Variants in BCKDHB observed in about 807,000 individuals in gnomAD.
BCKDHB encodes the protein branched chain keto acid dehydrogenase E1 subunit beta.
Under a neutral mutation model 48.5 loss-of-function variants are expected in BCKDHB, and 41 were observed. That is an observed-to-expected ratio of 0.85 (90% confidence interval 0.66 to 1.10). The LOEUF is 1.10. Ranked by LOEUF, BCKDHB falls within the 50% of genes least tolerant of loss-of-function variation. The pLI is 0.00. For synonymous variants in BCKDHB, 201 were observed against 174.8 expected, an observed-to-expected ratio of 1.15 and a Z score of -1.18; for missense variants, 496 against 494.2, an observed-to-expected ratio of 1.00 and a Z score of -0.03.
chr6:80,456,121 G>A, the BCKDHB span, among the ~76,000 whole-genome samples: 1 of 151,670 alleles, frequency 6.6e-6, no homozygotes, highest in African/African-American at 2.4e-5. Flanking sequence ...AGGCTGAGGT[G>A]GAAGAATCTC....
chr6:80,171,397 ATTTTCT>A lies in BCKDHB; in HGVS notation c.742+10_742+15del. On this transcript the variant is annotated splice_region_variant and intron_variant, in intron 6 of 9. Coordinates refer to ENST00000320393, the MANE Select transcript of BCKDHB (RefSeq NM_183050.4). ...ATACTTTACAGGGCAGCAGGTAAAG[ATTTTCT>A]TTATTTTATATTTGTGAATATCTTT... is the stretch of plus-strand genomic sequence containing the variant. 6.6e-7 allele frequency: 1 copy of A among 1,510,058 alleles called. No individual in the cohort carries two copies. Among genetic ancestry groups the A allele is most frequent in the Non-Finnish European group, 9.1e-7 (1 of 1,093,448 alleles). The allele number at this position is 1,510,058 out of a possible 1,614,324, so 93.5% of individuals were successfully genotyped here.
chr6:80,453,647 A>G, the BCKDHB span, among the ~76,000 whole-genome samples: 26 of 152,108 alleles, frequency 1.7e-4, no homozygotes, highest in African/African-American at 6.0e-4. Context: ...AGCCCTGAGG[A>G]AATGAGACAC....
intron 8 of BCKDHB, among the ~76,000 whole-genome samples, chr6:80,232,778 CTG>C (rs1775986073): frequency 6.7e-6 from 1 of 148,632 alleles, no homozygotes; most frequent in Non-Finnish European, 1.5e-5. Flanking sequence ...ACATCTATAT[CTG>C]TGTTATATAT....
chr6:80,179,437 CA>C (rs1024237366), intron 6 of BCKDHB, among the ~76,000 whole-genome samples: 2 of 152,052 alleles, frequency 1.3e-5, no homozygotes, highest in Non-Finnish European at 2.9e-5. Context: ...TACAGTATAG[CA>C]GCCATTTACA....
In BCKDHB at chr6:80,171,176, T is replaced by C. The variant is rs1772895410; in HGVS notation, c.634-106T>C. ...GCTTAAAATAAATAGCCAATATCTA[T>C]TTTTAATTAGTAACAATTGATTATT... is the stretch of plus-strand genomic sequence containing the variant. On this transcript the variant is annotated intron_variant, in intron 5 of 9. Coordinates refer to ENST00000320393, the MANE Select transcript of BCKDHB (RefSeq NM_183050.4). 4 of 673,470 alleles carry C rather than the reference T, an allele frequency of 5.9e-6. No homozygotes were observed. In the Admixed American group the frequency reaches 1.0e-4, roughly 17 times the overall value. The allele number at this position is 673,470 out of a possible 1,614,324, so 41.7% of individuals were successfully genotyped here.
the BCKDHB span, among the ~76,000 whole-genome samples, chr6:80,364,226 C>G: frequency 6.6e-6 from 1 of 152,080 alleles, no homozygotes; most frequent in Admixed American, 6.6e-5. Context: ...TGCAATTACC[C>G]CAAACCAGAA....
chr6:80,398,715 G>A, the BCKDHB span, among the ~76,000 whole-genome samples: 183 of 151,134 alleles, frequency 1.2e-3, 1 homozygote, highest in African/African-American at 4.3e-3. Flanking sequence ...AAATAGGGAG[G>A]GATGACTCCT....
intron 6 of BCKDHB, among the ~76,000 whole-genome samples, chr6:80,190,508 C>T (rs1191541416): frequency 6.6e-6 from 1 of 151,976 alleles, no homozygotes; most frequent in Non-Finnish European, 1.5e-5. Flanking sequence ...GTTTTCTCAT[C>T]TGTAGCATTG....
Position 80,143,492 on chromosome 6 carries a change from C to T in BCKDHB, c.343+14263C>T, listed in dbSNP as rs577877433. ...GGAGGACAGTATTAATGTCATTTGC[C>T]AGATATTTGTTGAGTGAGACTGCCT... On this transcript the variant is annotated intron_variant, in intron 3 of 9. Coordinates refer to ENST00000320393, the MANE Select transcript of BCKDHB (RefSeq NM_183050.4). 8.7e-4 allele frequency among the ~76,000 whole-genome samples: 133 copies of T among 152,200 alleles called. 1 individual carries two copies. The highest frequency in any genetic ancestry group is 3.1e-3 in the African/African-American group (129 of 41,542).
chr6:80,356,761 A>G, the BCKDHB span: 1 of 152,108 alleles, frequency 6.6e-6, no homozygotes, highest in Non-Finnish European at 1.5e-5. Flanking sequence ...CTGTTTTGTA[A>G]AACACTGTCC....
At chr6:80,368,639 C>T in the BCKDHB span, among the ~76,000 whole-genome samples, 1 of 152,040 alleles carries the variant, frequency 6.6e-6, no homozygotes, top group Non-Finnish European at 1.5e-5. Flanking sequence ...ATGCTCACAA[C>T]TTTGCTTTTC....
chr6:80,341,856 T>C (rs1175024234), intron 9 of BCKDHB, among the ~76,000 whole-genome samples: 1 of 152,186 alleles, frequency 6.6e-6, no homozygotes. Context: ...AAATTGACAA[T>C]TTAAAGCCCT....
At chr6:80,435,192 T>G in the BCKDHB span, among the ~76,000 whole-genome samples, 1 of 152,200 alleles carries the variant, frequency 6.6e-6, no homozygotes, top group East Asian at 1.9e-4. Context: ...GCCAATGTCT[T>G]AAAACAATTA....
At chr6:80,397,668 G>C in the BCKDHB span, among the ~76,000 whole-genome samples, 1 of 152,126 alleles carries the variant, frequency 6.6e-6, no homozygotes, top group South Asian at 2.1e-4. Context: ...AGATCACTTA[G>C]GTCAGGAGTT....
chr6:80,142,861 G>A (rs1275704002), intron 3 of BCKDHB, among the ~76,000 whole-genome samples: 1 of 152,068 alleles, frequency 6.6e-6, no homozygotes, highest in Non-Finnish European at 1.5e-5. Flanking sequence ...GATCAGTCCA[G>A]TTATGAAAAA....
intron 9 of BCKDHB, chr6:80,307,473 A>G (rs1767937187): frequency 1.0e-6 from 1 of 985,324 alleles, no homozygotes; most frequent in Non-Finnish European, 1.2e-6. Flanking sequence ...ATTTTCTATT[A>G]CATTTTTTTC....
At chr6:80,130,844 C>G (rs1010925818) in intron 3 of BCKDHB, among the ~76,000 whole-genome samples, 1 of 152,186 alleles carries the variant, frequency 6.6e-6, no homozygotes, top group African/African-American at 2.4e-5. Flanking sequence ...AATTATACTT[C>G]TGTAACTGAG....
chr6:80,205,794 GTGT>G (rs1562135386), intron 8 of BCKDHB, among the ~76,000 whole-genome samples: 12 of 107,132 alleles, frequency 1.1e-4, no homozygotes, highest in African/African-American at 3.8e-4. Context: ...TGCCATGGGT[GTGT>G]GTGTGTGTGT....
chr6:80,121,635 G>A (rs1397237853), intron 1 of BCKDHB, among the ~76,000 whole-genome samples: 1 of 152,182 alleles, frequency 6.6e-6, no homozygotes, highest in African/African-American at 2.4e-5. Context: ...TTGTGAATGG[G>A]AGTTCACTCA....
Sources: allele counts gnomAD v4.1 joint callset (sites outside exome capture counted in the v4.1 genomes callset), GRCh38; gene constraint gnomAD v4.1.1; transcripts MANE v1.5; gene names NCBI Gene and HGNC (gene_info 2026-07-23, HGNC 2026-07-21).